RAB40B: variants seen among roughly 807,000 people sequenced by gnomAD.
The protein encoded by RAB40B is RAB40B, member RAS oncogene family, also known as ras-related protein Rab-40B.
In RAB40B, 21 loss-of-function variants were observed where a neutral mutation model predicts 24.0. The ratio of observed to expected loss-of-function variants is 0.88; its 90% CI spans 0.62 to 1.26. RAB40B has a LOEUF of 1.26. Among genes scored for constraint, RAB40B ranks in the 50% most tolerant of loss-of-function variants. RAB40B has a pLI of 0.00. For missense variants in RAB40B, 348 were observed against 390.5 expected (o/e 0.89, Z 0.92); for synonymous variants, 167 against 169.8 (o/e 0.98, Z 0.13).
At position 82,658,569 on chromosome 17, in the gene RAB40B, TG is replaced by T; in HGVS notation, c.486del (p.Asn162LysfsTer29). The T allele has an allele frequency of 6.2e-7, 1 of 1,613,454 alleles. No individual in the cohort carries two copies. Among genetic ancestry groups the T allele is most frequent in the Non-Finnish European group, 8.5e-7 (1 of 1,179,968 alleles). On this transcript the variant is annotated frameshift_variant, in exon 5 of 6. Coordinates refer to ENST00000571995, the MANE Select transcript of RAB40B (RefSeq NM_006822.3). LOFTEE classifies it high-confidence loss of function. Reference sequence around the variant, plus strand: ...GCCAGCTCCGTGAACGACTCTGTGATGTTGAAATTGCACAGAGGGCTGACCT... The same window carrying T: ...GCCAGCTCCGTGAACGACTCTGTGATTTGAAATTGCACAGAGGGCTGACCT... ...FFEVSPLCNF[N>X]ITESFTELAR... is the part of the protein sequence containing the mutation.
At chr17:82,677,839 C>T (rs1472135513) in intron 1 of RAB40B, among the ~76,000 whole-genome samples, 2 of 152,236 alleles carry the variant, frequency 1.3e-5, no homozygotes, top group African/African-American at 2.4e-5. Context: ...GACCCCTGCA[C>T]CTGACCCGGG....
At chr17:82,679,828 G>A (rs377082964) in intron 1 of RAB40B, among the ~76,000 whole-genome samples, 10 of 75,334 alleles carry the variant, frequency 1.3e-4, no homozygotes, top group African/African-American at 5.1e-4. Flanking sequence ...CTGGAAACAC[G>A]AAGGAACACG....
At chr17:82,691,221 G>A (rs9890381) in intron 1 of RAB40B, among the ~76,000 whole-genome samples, 6 of 152,170 alleles carry the variant, frequency 3.9e-5, no homozygotes, top group Non-Finnish European at 7.3e-5. Context: ...TAGCAAAAAT[G>A]AAACAAAGAA....
intron 1 of RAB40B, among the ~76,000 whole-genome samples, chr17:82,686,666 C>T (rs531613421): frequency 3.9e-5 from 6 of 152,340 alleles, no homozygotes; most frequent in South Asian, 2.1e-4. Context: ...GCCAAGGGAG[C>T]GTGGCCCAGG....
chr17:82,695,951 C>T (rs754420418), intron 1 of RAB40B, among the ~76,000 whole-genome samples: 2 of 152,032 alleles, frequency 1.3e-5, no homozygotes, highest in Admixed American at 6.5e-5. Context: ...ATCTCTGCAA[C>T]CTCCGCCTCC....
chr17:82,696,760 C>G (rs985797229), intron 1 of RAB40B: 1 of 151,920 alleles, frequency 6.6e-6, no homozygotes, highest in South Asian at 1.9e-4. Context: ...CAGCCCTGTC[C>G]TCCAGGCGCT....
At chr17:82,662,134 C>T (rs951073471) in intron 2 of RAB40B, 1 of 985,468 alleles carries the variant, frequency 1.0e-6, no homozygotes, top group Non-Finnish European at 1.2e-6. Context: ...GTCACATGCA[C>T]CTGTGGTCGG....
chr17:82,670,962 C>T (rs961637503), intron 1 of RAB40B, among the ~76,000 whole-genome samples: 1 of 152,060 alleles, frequency 6.6e-6, no homozygotes, highest in African/African-American at 2.4e-5. Context: ...CCCACCCGAA[C>T]CCCTGTCTCC....
chr17:82,697,813 T>C lies in RAB40B; in HGVS notation c.142+642A>G, dbSNP rs1461502596. Among the ~76,000 whole-genome samples the C allele has an allele frequency of 6.6e-6, 1 of 152,102 alleles. No homozygotes were observed. Among genetic ancestry groups the C allele is most frequent in the Non-Finnish European group, 1.5e-5 (1 of 68,008 alleles). On this transcript the variant is annotated intron_variant, in intron 1 of 5. Coordinates refer to ENST00000571995, the MANE Select transcript of RAB40B (RefSeq NM_006822.3). The surrounding 1 kb of genome is among the most constrained non-coding windows in gnomAD (Gnocchi z 4.9). ...TGGGCGCTCCGGCCTCCCCTCGCCC[T>C]GGAACCCGCTCTCCGGCCGCTGTCG...
rs748733077 is a variant in RAB40B at position 82,657,697 on chromosome 17, C to T, written c.*166G>A. On this transcript the variant is annotated 3_prime_UTR_variant, in exon 6 of 6. Transcript: ENST00000571995. ...CTTCATGCACATCCACGTAGAAATT[C>T]GAAGTCCGACGGGGTAGTGTGTTTC... 23 of 869,138 alleles carry T rather than the reference C, an allele frequency of 2.6e-5. No homozygotes were observed. The highest frequency in any genetic ancestry group is 4.1e-5 in the Non-Finnish European group (21 of 515,354). 53.8% of individuals were successfully genotyped at this position (869,138 alleles called of 1,614,324 possible).
chr17:82,679,889 G>A (rs1282179699), intron 1 of RAB40B, among the ~76,000 whole-genome samples: 4 of 134,622 alleles, frequency 3.0e-5, no homozygotes, highest in East Asian at 2.2e-4. Context: ...AGCAGGCTGC[G>A]GGGTGAACGC....
intron 1 of RAB40B, among the ~76,000 whole-genome samples, chr17:82,693,035 C>G (rs2046574126): frequency 1.3e-5 from 2 of 151,726 alleles, no homozygotes; most frequent in South Asian, 4.2e-4. Flanking sequence ...CAGAGTCCCA[C>G]TCTGTTGCCC....
intron 1 of RAB40B, among the ~76,000 whole-genome samples, chr17:82,682,856 C>T (rs963128975): frequency 7.9e-5 from 12 of 152,126 alleles, no homozygotes; most frequent in South Asian, 2.1e-4. Flanking sequence ...TATTAAAAAA[C>T]GAACCCGGCC....
In RAB40B at chr17:82,698,446, C is replaced by A. The variant is rs754971340; in HGVS notation, c.142+9G>T. ...CCCGCACCCCGGCACGCCCTCCGCCCGCGCTCACCCGCCGGGTGGCCGTAC... is the reference window on the plus strand; with the variant it reads ...CCCGCACCCCGGCACGCCCTCCGCCAGCGCTCACCCGCCGGGTGGCCGTAC... On this transcript the variant is annotated intron_variant, in intron 1 of 5. Transcript: ENST00000571995. The A allele has an allele frequency of 7.0e-7, 1 of 1,437,924 alleles. No individual in the cohort carries two copies. Among genetic ancestry groups the A allele is most frequent in the East Asian group, 3.2e-5 (1 of 31,656 alleles). 89.1% of individuals were successfully genotyped at this position (1,437,924 alleles called of 1,614,324 possible).
chr17:82,667,303 A>G lies in RAB40B; in HGVS notation c.143-2747T>C, dbSNP rs7211499. Among the ~76,000 whole-genome samples, 105,303 of 152,178 alleles carry G rather than the reference A, an allele frequency of 0.69. 36,582 individuals are homozygous for G. The highest frequency in any genetic ancestry group is 0.77 in the South Asian group (3,692 of 4,826). ...GTGGCGGTGCCACCGGTGGCCTCCCACTTGGCTTGGACAGCTGGTCGCCCA... is the reference window on the plus strand; with the variant it reads ...GTGGCGGTGCCACCGGTGGCCTCCCGCTTGGCTTGGACAGCTGGTCGCCCA... On this transcript the variant is annotated intron_variant, in intron 1 of 5. Transcript: ENST00000571995. This position sits in a 1 kb window ranked among gnomAD's most constrained non-coding sequence, Gnocchi z 4.3.
chr17:82,660,687 TACAC>T (rs66713002), intron 3 of RAB40B, among the ~76,000 whole-genome samples: 7,621 of 147,738 alleles, frequency 0.052, 255 homozygotes, highest in South Asian at 0.15. Context: ...CACACACATG[TACAC>T]ACACACACAC....
rs535047680 is a variant in RAB40B, at chr17:82,692,378, G to A, written c.142+6077C>T. Among the ~76,000 whole-genome samples, 8 of 152,292 alleles carry A rather than the reference G, an allele frequency of 5.3e-5. No homozygotes were observed. The highest frequency in any genetic ancestry group is 1.9e-4 in the African/African-American group (8 of 41,550). On this transcript the variant is annotated intron_variant, in intron 1 of 5. Coordinates refer to ENST00000571995, the MANE Select transcript of RAB40B (RefSeq NM_006822.3). The surrounding 1 kb of genome is among the most constrained non-coding windows in gnomAD (Gnocchi z 4.0). ...GCCCAGGAGGGAGAATCCAGGCCTC[G>A]CTGACCGTATCGGAGCAAAGGGAAC...
chr17:82,657,493 C>T lies in RAB40B; in HGVS notation c.*370G>A. ...ACTCTAAATTATCCCGCTGCCATTG[C>T]TTCTCAAATTCCATTGAATTTATAC... On this transcript the variant is annotated 3_prime_UTR_variant, in exon 6 of 6. Transcript: ENST00000571995. 2.8e-6 allele frequency: 1 copy of T among 361,852 alleles called. No homozygotes were observed. Among genetic ancestry groups the T allele is most frequent in the East Asian group, 7.2e-5 (1 of 13,798 alleles). 22.4% of individuals were successfully genotyped at this position (361,852 alleles called of 1,614,324 possible). A position where few individuals can be genotyped will look rare whatever the true frequency, so the allele number is the denominator to read the frequency against.
In RAB40B at chr17:82,665,226, C is replaced by CA. The variant is rs1158471473; in HGVS notation, c.143-671dup. ...TTTTTTCAAGTTAAAAACAAACAAA[C>CA]AAAAAAAAAACCCGAGAATGCCTTT... On this transcript the variant is annotated intron_variant, in intron 1 of 5. Transcript: ENST00000571995. 2.4e-3 allele frequency among the ~76,000 whole-genome samples: 347 copies of CA among 146,024 alleles called. 7 individuals are homozygous for CA. The East Asian group carries it at 0.026, about 11-fold the overall frequency.
Sources: gnomAD v4.1 joint callset for allele counts (sites outside exome capture counted in the v4.1 genomes callset) on GRCh38, gnomAD v4.1.1 for gene constraint, Gnocchi (gnomAD v3.1) non-coding constraint, MANE v1.5 for transcripts, NCBI Gene and HGNC (gene_info 2026-07-23, HGNC 2026-07-21) for gene names.